The following TAX1BP1 variants were observed in gnomAD, a reference collection of about 807,000 sequenced individuals.
The protein encoded by TAX1BP1 is Tax1 binding protein 1, also known as tax1-binding protein 1.
A neutral mutation model predicts 97.7 loss-of-function variants in TAX1BP1; 62 were observed. That is an observed-to-expected ratio of 0.63 (90% confidence interval 0.52 to 0.78). TAX1BP1 has a LOEUF of 0.78. Among genes scored for constraint, TAX1BP1 ranks in the 30% least tolerant of loss-of-function variants. TAX1BP1 has a pLI of 0.00. For synonymous variants in TAX1BP1, 340 were observed against 304.2 expected, an observed-to-expected ratio of 1.12 and a Z score of -1.23; for missense variants, 867 against 916.1, an observed-to-expected ratio of 0.95 and a Z score of 0.69.
intron 13 of TAX1BP1, among the ~76,000 whole-genome samples, chr7:27,813,039 C>T (rs1478297438): frequency 6.6e-6 from 1 of 152,064 alleles, no homozygotes; most frequent in Non-Finnish European, 1.5e-5. Context: ...AAAAAGATTG[C>T]CAGCTCCTCA....
chr7:27,755,835 G>A (rs1240323581), intron 2 of TAX1BP1, among the ~76,000 whole-genome samples: 1 of 152,126 alleles, frequency 6.6e-6, no homozygotes, highest in African/African-American at 2.4e-5. Context: ...ATATCTCCTA[G>A]AAGCAATGTA....
At chr7:27,796,999 ATTTTAT>A (rs1488133451) in intron 12 of TAX1BP1, among the ~76,000 whole-genome samples, 3 of 148,518 alleles carry the variant, frequency 2.0e-5, no homozygotes, top group Admixed American at 6.7e-5. Flanking sequence ...TTATTATTTT[ATTTTAT>A]TTTTTTTTTT....
chr7:27,775,362 T>C (rs1228742646), intron 5 of TAX1BP1, among the ~76,000 whole-genome samples: 1 of 152,192 alleles, frequency 6.6e-6, no homozygotes, highest in Admixed American at 6.5e-5. Flanking sequence ...AATGGTATGG[T>C]TAGATGAAAC....
chr7:27,758,343 TGTC>T (rs1180101360), intron 3 of TAX1BP1: 5 of 356,384 alleles, frequency 1.4e-5, no homozygotes, highest in Non-Finnish European at 2.0e-5. Flanking sequence ...TATTGGTTGT[TGTC>T]TTAACTTTCA....
chr7:27,787,692 C>A, intron 8 of TAX1BP1, 89 bp downstream of exon 8: 2 of 1,236,032 alleles, frequency 1.6e-6, no homozygotes, highest in Non-Finnish European at 2.2e-6. Flanking sequence ...TTCCCCCAAG[C>A]TTTTGTTCTA....
chr7:27,792,715 A>G (rs751708215), intron 9 of TAX1BP1, among the ~76,000 whole-genome samples: 3 of 152,120 alleles, frequency 2.0e-5, no homozygotes, highest in Admixed American at 1.3e-4. Flanking sequence ...TAACCTCAGC[A>G]CTTTGGGGGG....
Position 27,828,832 on chromosome 7 carries a change from AC to A in TAX1BP1, c.*4del. 1 of 1,549,804 alleles carries A rather than the reference AC, an allele frequency of 6.5e-7. No individual in the cohort carries two copies. The highest frequency in any genetic ancestry group is 8.9e-7 in the Non-Finnish European group (1 of 1,128,042). On this transcript the variant is annotated 3_prime_UTR_variant, in exon 17 of 17. Transcript: ENST00000396319. ...AGAATGTTCTAAATTTTGACTAGTT[AC>A]TTTTTATTATGAGTTAATATAGTTT...
At chr7:27,810,873 ATG>A (rs1790533350) in intron 13 of TAX1BP1, among the ~76,000 whole-genome samples, 1 of 151,980 alleles carries the variant, frequency 6.6e-6, no homozygotes, top group African/African-American at 2.4e-5. Flanking sequence ...TATTTACTTT[ATG>A]TCAGAATGCT....
At chr7:27,789,807 G>T (rs1313191584) in intron 8 of TAX1BP1, among the ~76,000 whole-genome samples, 1 of 151,916 alleles carries the variant, frequency 6.6e-6, no homozygotes, top group Non-Finnish European at 1.5e-5. Flanking sequence ...AGAATTAATG[G>T]TTAATCCTTG....
At position 27,748,649 on chromosome 7, in the gene TAX1BP1, T is replaced by C; in HGVS notation, c.125T>C (p.Ile42Thr). The change falls in exon 2 of 17, where the codon ATT becomes ACT. Residue 42 changes from isoleucine (I) to threonine (T), a missense_variant. By Grantham distance (89) the Ile-to-Thr change is moderately conservative (BLOSUM62 -1). Around this residue, in one of 3 missense-constraint regions of TAX1BP1, gnomAD observed 822 missense variants for 851.4 expected, o/e 0.97. Transcript: ENST00000396319. The stretch of plus-strand genomic sequence containing the variant: ...TGTCATTACACCTTAACTCCATATA[T>C]TCATCCACATCCAAAAGATTGGGTT... Reference protein sequence around the residue: ...LECHYTLTPYIHPHPKDWVGI... With the variant: ...LECHYTLTPYTHPHPKDWVGI... 1 of 1,571,220 alleles carries C rather than the reference T, an allele frequency of 6.4e-7. No individual in the cohort carries two copies. The highest frequency in any genetic ancestry group is 8.7e-7 in the Non-Finnish European group (1 of 1,155,384).
chr7:27,829,067 G>C lies in TAX1BP1; in HGVS notation c.*238G>C, dbSNP rs1446400679. 1 of 384,866 alleles carries C rather than the reference G, an allele frequency of 2.6e-6. No individual in the cohort carries two copies. The highest frequency in any genetic ancestry group is 2.1e-5 in the African/African-American group (1 of 48,320). The allele number at this position is 384,866 out of a possible 1,614,324, so 23.8% of individuals were successfully genotyped here. A position where few individuals can be genotyped will look rare whatever the true frequency, so the allele number is the denominator to read the frequency against. The stretch of plus-strand genomic sequence containing the variant: ...TTTAAAAAAAAGTTCTTGTGTGTTC[G>C]TATCTTTATTTATTCCCTAGTTTGC... On this transcript the variant is annotated 3_prime_UTR_variant, in exon 17 of 17. Transcript: ENST00000396319.
At chr7:27,780,824 C>T (rs1789225994) in intron 5 of TAX1BP1, among the ~76,000 whole-genome samples, 2 of 151,938 alleles carry the variant, frequency 1.3e-5, no homozygotes, top group Admixed American at 6.6e-5. Context: ...TATATTATTT[C>T]TACAATATAT....
chr7:27,822,303 G>A (rs756527573), intron 15 of TAX1BP1, among the ~76,000 whole-genome samples: 2 of 152,148 alleles, frequency 1.3e-5, no homozygotes, highest in Non-Finnish European at 2.9e-5. Flanking sequence ...TGGCATACGT[G>A]CTTTTGTTTT....
At chr7:27,739,801 CCG>C (rs1787494544), upstream of TAX1BP1, 1 of 152,216 alleles carries the variant, frequency 6.6e-6, no homozygotes, top group African/African-American at 2.4e-5. Context: ...CTAGTTTAGG[CCG>C]ACTGAGACGC....
chr7:27,755,003 A>C (rs1313889851), intron 2 of TAX1BP1, among the ~76,000 whole-genome samples: 1 of 152,038 alleles, frequency 6.6e-6, no homozygotes, highest in Middle Eastern at 3.2e-3. Context: ...CTCATTGAGG[A>C]ATTTATGCTG....
intron 15 of TAX1BP1, among the ~76,000 whole-genome samples, chr7:27,824,979 TG>T (rs1178466147): frequency 6.6e-6 from 1 of 152,204 alleles, no homozygotes. Flanking sequence ...CCTTTGGGTT[TG>T]TAAGTTTCAG....
intron 13 of TAX1BP1, 52 bp downstream of exon 13, chr7:27,800,142 T>C: frequency 6.9e-7 from 1 of 1,456,898 alleles, no homozygotes; most frequent in Non-Finnish European, 9.1e-7. Context: ...TTCTGAAAAT[T>C]AGTTATGTAT....
In TAX1BP1 at chr7:27,775,125, A is replaced by C. The variant is rs1224640183; in HGVS notation, c.612+5291A>C. Among the ~76,000 whole-genome samples, 3 of 152,308 alleles carry C rather than the reference A, an allele frequency of 2.0e-5. No individual in the cohort carries two copies. The East Asian group carries it at 5.8e-4, about 29-fold the overall frequency. ...TTAATATCTTGCTTCATTGAGCCTG[A>C]GAAGCTATGGTTATACATCATTACT... is the stretch of plus-strand genomic sequence containing the variant. On this transcript the variant is annotated intron_variant, in intron 5 of 16. Transcript: ENST00000396319.
In TAX1BP1 at chr7:27,754,818, C is replaced by T. The variant is rs191608764; in HGVS notation, c.163-3213C>T. Among the ~76,000 whole-genome samples, 1,050 of 152,114 alleles carry T rather than the reference C, an allele frequency of 6.9e-3. 17 individuals are homozygous for T. Among genetic ancestry groups the T allele is most frequent in the African/African-American group, 0.024 (980 of 41,476 alleles). On this transcript the variant is annotated intron_variant, in intron 2 of 16. Coordinates refer to ENST00000396319, the MANE Select transcript of TAX1BP1 (RefSeq NM_006024.7). The stretch of plus-strand genomic sequence containing the variant: ...CAGGATGGTCTCCATCTCCTGACCT[C>T]GTGATCCCCCCACCTCAGTCTCCCA...
Sources: allele counts gnomAD v4.1 joint callset (sites outside exome capture counted in the v4.1 genomes callset), GRCh38; gene constraint gnomAD v4.1.1; regional missense constraint gnomAD v4.1.1; transcripts MANE v1.5; gene names NCBI Gene and HGNC (gene_info 2026-07-23, HGNC 2026-07-21).